ARHGEF38: variants seen among roughly 807,000 people sequenced by gnomAD.
ARHGEF38 encodes Rho guanine nucleotide exchange factor 38, also known as Rho guanine nucleotide exchange factor (GEF) 38.
A neutral mutation model predicts 79.9 loss-of-function variants in ARHGEF38; 79 were observed. The ratio of observed to expected loss-of-function variants is 0.99; its 90% CI spans 0.82 to 1.19. The LOEUF is 1.19. Among genes scored for constraint, ARHGEF38 ranks in the 50% most tolerant of loss-of-function variants. The pLI is 0.00. For missense variants in ARHGEF38, 962 were observed against 907.2 expected (o/e 1.06, Z -0.78); for synonymous variants, 366 against 328.3 (o/e 1.11, Z -1.24).
chr4:105,606,530 T>A (rs1728048148), intron 2 of ARHGEF38, among the ~76,000 whole-genome samples: 1 of 152,150 alleles, frequency 6.6e-6, no homozygotes, highest in African/African-American at 2.4e-5. Context: ...TTGTTAATAC[T>A]TTTTAAAATC....
chr4:105,616,131 G>C (rs1014717149), intron 3 of ARHGEF38, among the ~76,000 whole-genome samples: 1 of 152,170 alleles, frequency 6.6e-6, no homozygotes, highest in African/African-American at 2.4e-5. Flanking sequence ...TCATGCTACA[G>C]AGTGTCTAGA....
rs539781479 is a variant in ARHGEF38, at chr4:105,576,590, C to G, written c.197-12658C>G. On this transcript the variant is annotated intron_variant, in intron 1 of 13. Transcript: ENST00000420470. ...TCTTTTGAAGGAAAATTTAGGGTTT[C>G]CTAAGTATAGAGTCATGTCACCAGT... 2.9e-4 allele frequency among the ~76,000 whole-genome samples: 44 copies of G among 152,086 alleles called. No homozygotes were observed. In the South Asian group the frequency reaches 4.6e-3, roughly 16 times the overall value.
chr4:105,636,497 A>T (rs1383170684), intron 5 of ARHGEF38, 77 bp downstream of exon 5: 1 of 256,848 alleles, frequency 3.9e-6, no homozygotes, highest in Non-Finnish European at 6.7e-6. Flanking sequence ...TGTCCAAATC[A>T]GAAATTCTGA....
chr4:105,593,026 T>C (rs1332163827), intron 2 of ARHGEF38, among the ~76,000 whole-genome samples: 2 of 152,132 alleles, frequency 1.3e-5, no homozygotes, highest in Non-Finnish European at 2.9e-5. Flanking sequence ...CATAGCACTA[T>C]TATCTACTAT....
chr4:105,571,761 C>G (rs745587363), intron 1 of ARHGEF38, among the ~76,000 whole-genome samples: 2 of 152,170 alleles, frequency 1.3e-5, no homozygotes, highest in African/African-American at 2.4e-5. Flanking sequence ...TTCGAATTGG[C>G]AGATGAGTAT....
intron 10 of ARHGEF38, 139 bp downstream of exon 10, chr4:105,659,504 C>T (rs1730476526): frequency 4.5e-6 from 4 of 880,938 alleles, no homozygotes; most frequent in East Asian, 5.4e-5. Context: ...TAAATCCAGT[C>T]AGATAGTCTC....
chr4:105,556,951 G>A (rs1298489980), intron 1 of ARHGEF38, among the ~76,000 whole-genome samples: 14 of 151,982 alleles, frequency 9.2e-5, no homozygotes, highest in African/African-American at 4.8e-5. Context: ...TTCCCAACTC[G>A]ACCTTTCAGA....
At chr4:105,641,357 G>T (rs1218244024) in intron 5 of ARHGEF38, among the ~76,000 whole-genome samples, 2 of 151,876 alleles carry the variant, frequency 1.3e-5, no homozygotes, top group East Asian at 1.9e-4. Context: ...CCATTTCACT[G>T]GTTCTATCTG....
At chr4:105,591,132 G>A (rs994861575) in intron 2 of ARHGEF38, among the ~76,000 whole-genome samples, 3 of 151,478 alleles carry the variant, frequency 2.0e-5, no homozygotes, top group African/African-American at 7.3e-5. Flanking sequence ...TATTACCCAT[G>A]ATTATAAAAG....
chr4:105,644,088 G>A (rs1335513158), intron 5 of ARHGEF38, among the ~76,000 whole-genome samples: 1 of 151,800 alleles, frequency 6.6e-6, no homozygotes, highest in Non-Finnish European at 1.5e-5. Flanking sequence ...GGCTGGTCTT[G>A]AACTCCTGGG....
At chr4:105,598,974 T>C (rs759180694) in intron 2 of ARHGEF38, among the ~76,000 whole-genome samples, 7 of 152,216 alleles carry the variant, frequency 4.6e-5, no homozygotes, top group Non-Finnish European at 7.3e-5. Flanking sequence ...TCTCAAGTAC[T>C]GACACTGAGT....
intron 1 of ARHGEF38, among the ~76,000 whole-genome samples, chr4:105,588,398 C>G (rs1396573164): frequency 6.6e-6 from 1 of 152,232 alleles, no homozygotes; most frequent in Non-Finnish European, 1.5e-5. Flanking sequence ...CTCTTACATA[C>G]ACAGACTCAC....
At chr4:105,565,833 A>G (rs1450990620) in intron 1 of ARHGEF38, among the ~76,000 whole-genome samples, 1 of 152,178 alleles carries the variant, frequency 6.6e-6, no homozygotes, top group Admixed American at 6.5e-5. Flanking sequence ...CAGAAATCTG[A>G]GAGTCAGCTT....
chr4:105,593,699 G>A (rs139800583), intron 2 of ARHGEF38, among the ~76,000 whole-genome samples: 92 of 152,138 alleles, frequency 6.0e-4, no homozygotes, highest in Admixed American at 3.3e-3. Context: ...AACTAGCCCC[G>A]CTAAAATGAA....
At chr4:105,677,111 A>C (rs982271531) in intron 13 of ARHGEF38, among the ~76,000 whole-genome samples, 7 of 151,726 alleles carry the variant, frequency 4.6e-5, no homozygotes, top group Non-Finnish European at 8.8e-5. Flanking sequence ...TTACAGGCAC[A>C]CGCCACCACG....
At chr4:105,572,806 G>T (rs1352206786) in intron 1 of ARHGEF38, among the ~76,000 whole-genome samples, 1 of 152,106 alleles carries the variant, frequency 6.6e-6, no homozygotes, top group Non-Finnish European at 1.5e-5. Context: ...TACTTGGGTT[G>T]CTTCCATGCT....
chr4:105,575,167 G>A (rs1726437599), intron 1 of ARHGEF38, among the ~76,000 whole-genome samples: 1 of 151,866 alleles, frequency 6.6e-6, no homozygotes, highest in Admixed American at 6.6e-5. Context: ...CTTTCCTTTG[G>A]GTAGATATCC....
At chr4:105,591,813 A>C (rs1243762083) in intron 2 of ARHGEF38, among the ~76,000 whole-genome samples, 1 of 152,196 alleles carries the variant, frequency 6.6e-6, no homozygotes, top group Non-Finnish European at 1.5e-5. Context: ...ACTTTCTGAA[A>C]ACCTGGAAAT....
chr4:105,650,230 T>C lies in ARHGEF38; in HGVS notation c.1008+1548T>C, dbSNP rs533074039. On this transcript the variant is annotated intron_variant, in intron 7 of 13. Transcript: ENST00000420470. The stretch of plus-strand genomic sequence containing the variant: ...CGTATTTTTTACTTTCTGTATTTTG[T>C]AATGTTTTGACATTTTAAAATACCT... 1.4e-4 allele frequency among the ~76,000 whole-genome samples: 22 copies of C among 152,362 alleles called. No homozygotes were observed. The South Asian group carries it at 4.6e-3, about 32-fold the overall frequency.
Sources: allele counts gnomAD v4.1 joint callset (sites outside exome capture counted in the v4.1 genomes callset), GRCh38; gene constraint gnomAD v4.1.1; transcripts MANE v1.5; gene names NCBI Gene and HGNC (gene_info 2026-07-23, HGNC 2026-07-21).